Variants in SIN3A observed in about 807,000 individuals in gnomAD.
The protein encoded by SIN3A is SIN3 transcription regulator family member A.
A neutral mutation model predicts 146.1 loss-of-function variants in SIN3A; 14 were observed. That is an observed-to-expected ratio of 0.10 (90% CI 0.06 to 0.15). The LOEUF is 0.15. SIN3A is among the 10% of genes least tolerant of loss of function. The pLI, the probability that SIN3A is intolerant of heterozygous loss-of-function variation, is 1.00. For synonymous variants in SIN3A, 572 were observed against 572.0 expected (o/e 1.00, Z 0.00); for missense variants, 1,028 against 1,576.0 (o/e 0.65, Z 5.89).
chr15:75,385,311 A>C (rs1342592674), intron 16 of SIN3A, among the ~76,000 whole-genome samples: 1 of 152,218 alleles, frequency 6.6e-6, no homozygotes, highest in African/African-American at 2.4e-5. Context: ...TGGGACTAAA[A>C]GTCAAGGTTC....
chr15:75,403,290 C>G (rs1028855512), intron 9 of SIN3A, among the ~76,000 whole-genome samples: 4 of 151,402 alleles, frequency 2.6e-5, no homozygotes, highest in African/African-American at 7.3e-5. Flanking sequence ...ATTAGCTAGG[C>G]GTGGTGGTGG....
At chr15:75,385,522 T>A (rs79066115) in intron 16 of SIN3A, among the ~76,000 whole-genome samples, 31,039 of 152,164 alleles carry the variant, frequency 0.2, 3,587 homozygotes, top group Non-Finnish European at 0.26. Context: ...TCTCATGTCA[T>A]GCTATTTCTA....
At chr15:75,393,578 T>G (rs2073249143) in intron 14 of SIN3A, among the ~76,000 whole-genome samples, 1 of 152,162 alleles carries the variant, frequency 6.6e-6, no homozygotes, top group African/African-American at 2.4e-5. Flanking sequence ...TTTCACCATG[T>G]CGGCCAGGCT....
chr15:75,445,085 C>T (rs1047502237), intron 1 of SIN3A, among the ~76,000 whole-genome samples: 4 of 150,346 alleles, frequency 2.7e-5, no homozygotes, highest in African/African-American at 7.3e-5. Context: ...TATAATCTTT[C>T]AAAATATCTA....
At chr15:75,432,149 T>G (rs1360491909) in intron 1 of SIN3A, among the ~76,000 whole-genome samples, 2 of 152,226 alleles carry the variant, frequency 1.3e-5, no homozygotes, top group Non-Finnish European at 2.9e-5. Context: ...CAAAAACCTT[T>G]TAGACATATT....
In SIN3A at chr15:75,411,756, G is replaced by T. The variant is rs763915432; in HGVS notation, c.757-13C>A. On this transcript the variant is annotated splice_polypyrimidine_tract_variant and intron_variant, in intron 5 of 20. Coordinates refer to ENST00000394947, the MANE Select transcript of SIN3A (RefSeq NM_001145358.2). ...GCAGTTGGGAGGGCTAGAAAGAAAA[G>T]AAATCTTTATTCTCTTCAGATGCAT... The T allele has an allele frequency of 1.3e-6, 2 of 1,567,762 alleles. No homozygotes were observed. The highest frequency in any genetic ancestry group is 1.2e-5 in the South Asian group (1 of 83,292).
At chr15:75,378,571 G>C (rs937258370) in intron 19 of SIN3A, among the ~76,000 whole-genome samples, 9 of 151,960 alleles carry the variant, frequency 5.9e-5, no homozygotes, top group Admixed American at 3.3e-4. Context: ...TCTCAAAAAA[G>C]AAAAACAAAA....
At chr15:75,377,792 G>C (rs765421372) in intron 19 of SIN3A, among the ~76,000 whole-genome samples, 17 of 152,150 alleles carry the variant, frequency 1.1e-4, no homozygotes, top group Non-Finnish European at 2.5e-4. Context: ...AAAAGCACTT[G>C]AGCAATTGCT....
At chr15:75,389,314 A>G (rs1207497669) in intron 16 of SIN3A, among the ~76,000 whole-genome samples, 1 of 152,006 alleles carries the variant, frequency 6.6e-6, no homozygotes, top group African/African-American at 2.4e-5. Flanking sequence ...AAAAAAAAAA[A>G]AAACTTACCA....
intron 3 of SIN3A, among the ~76,000 whole-genome samples, chr15:75,418,017 ATTTAT>A (rs1378820937): frequency 2.0e-5 from 3 of 151,716 alleles, no homozygotes; most frequent in East Asian, 1.9e-4. Context: ...TTATTTTATT[ATTTAT>A]TTTATTTATT....
At chr15:75,406,454 G>A (rs376963718) in intron 9 of SIN3A, among the ~76,000 whole-genome samples, 7 of 152,296 alleles carry the variant, frequency 4.6e-5, no homozygotes, top group South Asian at 2.1e-4. Flanking sequence ...TTGGGAGGCC[G>A]AGGCGGGCGG....
At chr15:75,424,505 G>A (rs1351098235) in intron 2 of SIN3A, among the ~76,000 whole-genome samples, 1 of 151,954 alleles carries the variant, frequency 6.6e-6, no homozygotes, top group African/African-American at 2.4e-5. Flanking sequence ...ACAGGGTCCC[G>A]CTCTCTCACC....
At position 75,400,069 on chromosome 15, in the gene SIN3A, T is replaced by C. The variant is rs753484991; in HGVS notation, c.1825A>G (p.Ile609Val). 6.2e-7 allele frequency: 1 copy of C among 1,609,120 alleles called. No homozygotes were observed. The change falls in exon 12 of 21, where the codon ATT (isoleucine) becomes GTT (valine). Residue 609 changes from isoleucine (I) to valine (V), a missense_variant. Ile to Val is a conservative substitution (Grantham distance 29). Around this residue, in one of 9 missense-constraint regions of SIN3A, gnomAD observed 157 missense variants for 284.8 expected, o/e 0.55. Transcript: ENST00000394947. ...SSKKTQYEEH[I>V]YRCEDERFEL... ...AAGCGTTCATCTTCACAACGATAAA[T>C]ATGTTCTTCATATTGAGTCTTCTTG... is the stretch of plus-strand genomic sequence containing the variant.
intron 1 of SIN3A, among the ~76,000 whole-genome samples, chr15:75,432,843 G>C (rs1452647234): frequency 6.6e-6 from 1 of 152,014 alleles, no homozygotes; most frequent in Admixed American, 6.6e-5. Flanking sequence ...AGGAGTTCGA[G>C]ACCAGCCAGG....
chr15:75,415,091 C>T (rs969847569), intron 3 of SIN3A, among the ~76,000 whole-genome samples: 1 of 152,072 alleles, frequency 6.6e-6, no homozygotes, highest in Non-Finnish European at 1.5e-5. Flanking sequence ...AATTTGACTG[C>T]AGTGTTGAGA....
rs764270354 is a variant in SIN3A, at chr15:75,414,187, C to T, written c.473+18G>A. ...ATATGCCAGATACAAAGCTTGAGTACAATCACACATCTTTTACCTCTGAGA... is the reference window on the plus strand; with the variant it reads ...ATATGCCAGATACAAAGCTTGAGTATAATCACACATCTTTTACCTCTGAGA... On this transcript the variant is annotated intron_variant, in intron 4 of 20. Transcript: ENST00000394947. 12 of 1,307,932 alleles carry T rather than the reference C, an allele frequency of 9.2e-6. No individual in the cohort carries two copies. In the South Asian group the frequency reaches 1.7e-4, roughly 18 times the overall value. 81.0% of individuals were successfully genotyped at this position (1,307,932 alleles called of 1,614,324 possible).
At chr15:75,410,979 A>AAC (rs1432402315) in intron 6 of SIN3A, among the ~76,000 whole-genome samples, 1 of 150,916 alleles carries the variant, frequency 6.6e-6, no homozygotes, top group Non-Finnish European at 1.5e-5. Flanking sequence ...CTGTCTCAAA[A>AAC]AAAAAAAAAA....
At chr15:75,381,558 T>G in intron 18 of SIN3A, 55 bp downstream of exon 18, 4 of 1,395,996 alleles carry the variant, frequency 2.9e-6, no homozygotes, top group Non-Finnish European at 4.0e-6. Context: ...GGACAGACTC[T>G]CAAGGCACGC....
At position 75,401,576 on chromosome 15, in the gene SIN3A, A is replaced by C. The variant is rs182922907; in HGVS notation, c.1526+276T>G. On this transcript the variant is annotated intron_variant, in intron 10 of 20. Transcript: ENST00000394947. ...TAATAATTTTTAAAAAAATTCCAGA[A>C]CTCTGGGAGAGATTTTTCTTGATAA... is the stretch of plus-strand genomic sequence containing the variant. 2.8e-4 allele frequency among the ~76,000 whole-genome samples: 43 copies of C among 152,202 alleles called. 1 individual carries two copies. Among genetic ancestry groups the C allele is most frequent in the Admixed American group, 2.5e-3 (38 of 15,284 alleles).
Sources: gnomAD v4.1 joint callset for allele counts (sites outside exome capture counted in the v4.1 genomes callset) on GRCh38, gnomAD v4.1.1 for gene constraint, gnomAD v4.1.1 regional missense constraint, MANE v1.5 for transcripts, NCBI Gene and HGNC (gene_info 2026-07-23, HGNC 2026-07-21) for gene names.